Variants in NUDT9 observed in about 807,000 individuals in gnomAD.
NUDT9 encodes ADP-ribose pyrophosphatase.
Under a neutral mutation model 41.0 loss-of-function variants are expected in NUDT9, and 31 were observed. That is an observed-to-expected ratio of 0.76 (90% CI 0.57 to 1.02). The LOEUF (loss-of-function observed/expected upper bound fraction) is 1.02, where lower values mean the gene tolerates loss of function less well. NUDT9 is among the 50% of genes least tolerant of loss of function. NUDT9 has a pLI of 0.00. For synonymous variants in NUDT9, 146 were observed against 147.6 expected (o/e 0.99, Z 0.08); for missense variants, 380 against 431.4 (o/e 0.88, Z 1.06).
intron 1 of NUDT9, among the ~76,000 whole-genome samples, chr4:87,427,218 T>A (rs1721467857): frequency 6.6e-6 from 1 of 151,874 alleles, no homozygotes; most frequent in African/African-American, 2.4e-5. Context: ...GTCTTGCACA[T>A]AGCAATCACT....
intron 3 of NUDT9, among the ~76,000 whole-genome samples, chr4:87,439,906 A>G (rs1722127930): frequency 6.6e-6 from 1 of 152,230 alleles, no homozygotes; most frequent in South Asian, 2.1e-4. Context: ...ATTTGAAATC[A>G]TGGTTATCAT....
At chr4:87,451,870 C>G in intron 6 of NUDT9, 135 bp downstream of exon 6, 1 of 714,744 alleles carries the variant, frequency 1.4e-6, no homozygotes, top group South Asian at 2.6e-5. Context: ...TTCACAAAAA[C>G]AAATTACAGA....
intron 1 of NUDT9, among the ~76,000 whole-genome samples, chr4:87,425,191 TA>T (rs1247123490): frequency 4.6e-4 from 66 of 143,870 alleles, no homozygotes; most frequent in Non-Finnish European, 5.4e-4. Flanking sequence ...CCCTTGTCTC[TA>T]AAAAAAAAAA....
chr4:87,427,541 A>G (rs771237095), intron 1 of NUDT9, among the ~76,000 whole-genome samples: 2 of 152,262 alleles, frequency 1.3e-5, no homozygotes, highest in Non-Finnish European at 2.9e-5. Flanking sequence ...GATAAGATGT[A>G]TAGCCTGAAT....
intron 3 of NUDT9, among the ~76,000 whole-genome samples, chr4:87,439,832 T>C (rs1722123182): frequency 6.6e-6 from 1 of 152,168 alleles, no homozygotes; most frequent in African/African-American, 2.4e-5. Flanking sequence ...CCAAATCATA[T>C]TAAAAAGTTA....
rs1161680227 is a variant in NUDT9 at position 87,458,806 on chromosome 4, G to A, written c.*785G>A. On this transcript the variant is annotated 3_prime_UTR_variant, in exon 8 of 8. Transcript: ENST00000302174. ...GAAATCAGGACAAAAAATTACAGAT[G>A]CTAGTGAGGTTGTAGAGAAAAAGGA... 1.3e-5 allele frequency: 2 copies of A among 152,224 alleles called. No individual in the cohort carries two copies. The highest frequency in any genetic ancestry group is 3.8e-4 in the East Asian group (2 of 5,196). The allele number at this position is 152,224 out of a possible 1,614,324, so 9.4% of individuals were successfully genotyped here.
chr4:87,435,615 A>T (rs1457998124), intron 2 of NUDT9, among the ~76,000 whole-genome samples: 1 of 152,140 alleles, frequency 6.6e-6, no homozygotes, highest in Non-Finnish European at 1.5e-5. Context: ...TTGTGAAAAT[A>T]TTTTTCGGAA....
intron 1 of NUDT9, 104 bp downstream of exon 1, chr4:87,423,116 C>A (rs1053696203): frequency 2.7e-6 from 2 of 753,414 alleles, no homozygotes; most frequent in South Asian, 1.9e-5. Context: ...CTTTGCCTCT[C>A]GGGTTTTTAT....
At chr4:87,451,213 C>T (rs1347836622) in intron 5 of NUDT9, among the ~76,000 whole-genome samples, 1 of 152,140 alleles carries the variant, frequency 6.6e-6, no homozygotes, top group Non-Finnish European at 1.5e-5. Context: ...CAGCGGGCAG[C>T]ATGTTAGGCA....
At chr4:87,428,818 T>C (rs1721547711) in intron 1 of NUDT9, among the ~76,000 whole-genome samples, 3 of 152,158 alleles carry the variant, frequency 2.0e-5, no homozygotes, top group Admixed American at 1.3e-4. Context: ...CCTCCACCCA[T>C]GCATAGCCTC....
rs772772910 is a variant in NUDT9, at chr4:87,451,742, A to G, written c.789+7A>G. The G allele has an allele frequency of 6.2e-7, 1 of 1,611,784 alleles. No individual in the cohort carries two copies. The highest frequency in any genetic ancestry group is 8.5e-7 in the Non-Finnish European group (1 of 1,179,084). ...CAGCCAAGACCACCTAGTGGTAAGA[A>G]ATAGTGTTTCTGGGAGGGATTTAGT... On this transcript the variant is annotated splice_region_variant and intron_variant, in intron 6 of 7. Coordinates refer to ENST00000302174, the MANE Select transcript of NUDT9 (RefSeq NM_024047.5).
intron 4 of NUDT9, among the ~76,000 whole-genome samples, chr4:87,445,716 T>C (rs578076601): frequency 7.9e-5 from 12 of 152,324 alleles, no homozygotes; most frequent in Middle Eastern, 3.4e-3. Flanking sequence ...TCAGTAAATG[T>C]TTATTAGGTT....
At chr4:87,426,660 C>G (rs1377675503) in intron 1 of NUDT9, among the ~76,000 whole-genome samples, 1 of 151,644 alleles carries the variant, frequency 6.6e-6, no homozygotes, top group Non-Finnish European at 1.5e-5. Flanking sequence ...TCGCCTGCCT[C>G]GGCCTCCCAA....
At chr4:87,435,961 A>G (rs1721913648) in intron 2 of NUDT9, among the ~76,000 whole-genome samples, 1 of 151,940 alleles carries the variant, frequency 6.6e-6, no homozygotes, top group South Asian at 2.1e-4. Flanking sequence ...GTTGAGATCC[A>G]CTCTCAGCGA....
chr4:87,424,897 T>C (rs1242607852), intron 1 of NUDT9, among the ~76,000 whole-genome samples: 1 of 152,138 alleles, frequency 6.6e-6, no homozygotes, highest in Admixed American at 6.5e-5. Context: ...GAGACTGTAC[T>C]GACTTGAAAG....
intron 4 of NUDT9, chr4:87,445,535 C>A (rs1222032539): frequency 6.6e-6 from 1 of 152,126 alleles, no homozygotes; most frequent in African/African-American, 2.4e-5. Flanking sequence ...TTCTTCAGAT[C>A]CTCTAGAGTC....
intron 1 of NUDT9, among the ~76,000 whole-genome samples, chr4:87,423,853 C>T (rs928937436): frequency 3.3e-5 from 5 of 152,158 alleles, no homozygotes; most frequent in African/African-American, 1.2e-4. Flanking sequence ...AGGAAGGTTT[C>T]AGTTGAGGGC....
chr4:87,438,241 A>G lies in NUDT9; in HGVS notation c.348-36A>G, dbSNP rs751358238. 1.4e-5 allele frequency: 16 copies of G among 1,132,220 alleles called. No homozygotes were observed. In the South Asian group the frequency reaches 1.8e-4, roughly 13 times the overall value. The allele number at this position is 1,132,220 out of a possible 1,614,324, so 70.1% of individuals were successfully genotyped here. ...ATTAAGCTGTTGGTAGTTTTGAATCATTATTTCTTATTTTACATTGGTATT... is the reference window on the plus strand; with the variant it reads ...ATTAAGCTGTTGGTAGTTTTGAATCGTTATTTCTTATTTTACATTGGTATT... On this transcript the variant is annotated intron_variant, in intron 2 of 7. Transcript: ENST00000302174.
intron 2 of NUDT9, among the ~76,000 whole-genome samples, chr4:87,438,003 T>C (rs1222412968): frequency 6.6e-6 from 1 of 152,210 alleles, no homozygotes; most frequent in Non-Finnish European, 1.5e-5. Context: ...GTAGGAGCTC[T>C]AGCTCTTCTG....
Sources: allele counts gnomAD v4.1 joint callset (sites outside exome capture counted in the v4.1 genomes callset), GRCh38; gene constraint gnomAD v4.1.1; transcripts MANE v1.5; gene names NCBI Gene and HGNC (gene_info 2026-07-23, HGNC 2026-07-21).